ZNF775: variants seen among roughly 807,000 people sequenced by gnomAD.
ZNF775 encodes the protein zinc finger protein 775.
In ZNF775, 1 loss-of-function variant was observed where a neutral mutation model predicts 2.4. The observed-to-expected ratio is 0.41, with a 90% confidence interval of 0.15 to 1.94. ZNF775 has a LOEUF of 1.94. ZNF775 is among the 30% of genes most tolerant of loss of function. The pLI, the probability that ZNF775 is intolerant of heterozygous loss-of-function variation, is 0.30. For missense variants in ZNF775, 823 were observed against 826.6 expected, an observed-to-expected ratio of 1.00 and a Z score of 0.05; for synonymous variants, 381 against 373.3, an observed-to-expected ratio of 1.02 and a Z score of -0.24.
At chr7:150,389,580 T>C (rs1306367329) in intron 2 of ZNF775, among the ~76,000 whole-genome samples, 2 of 152,184 alleles carry the variant, frequency 1.3e-5, no homozygotes, top group Admixed American at 1.3e-4. Context: ...AGAAGGCCCT[T>C]TCCCCAGATA....
Position 150,397,485 on chromosome 7 carries a change from G to A in ZNF775, c.1004G>A (p.Arg335His). The part of the protein sequence containing the change: ...TRHLRNHTGE[R>H]PHPCPHCGRG... ...CACCTGCGCAACCACACAGGCGAGC[G>A]CCCGCACCCCTGCCCGCACTGTGGC... Residue 335 changes from arginine (R) to histidine (H), a missense_variant, in exon 3 of 3, where the codon CGC becomes CAC. Coordinates refer to ENST00000329630, the MANE Select transcript of ZNF775 (RefSeq NM_173680.4). The A allele has an allele frequency of 4.4e-6, 7 of 1,587,496 alleles. No individual in the cohort carries two copies. Among genetic ancestry groups the A allele is most frequent in the African/African-American group, 1.3e-5 (1 of 74,250 alleles).
rs1465406368 is a variant in ZNF775, at chr7:150,398,141, G to C, written c.*46G>C. On this transcript the variant is annotated 3_prime_UTR_variant, in exon 3 of 3. Transcript: ENST00000329630. ...CCGTGGTGGTGCGGGGGATGTTTGC[G>C]GGGTGTGTGTGGGGAGTGGGGGTGG... 2 of 1,530,862 alleles carry C rather than the reference G, an allele frequency of 1.3e-6. No individual in the cohort carries two copies. The highest frequency in any genetic ancestry group is 1.7e-6 in the Non-Finnish European group (2 of 1,144,568). The allele number at this position is 1,530,862 out of a possible 1,614,324, so 94.8% of individuals were successfully genotyped here.
At chr7:150,385,190 C>T (rs927104866) in intron 1 of ZNF775, among the ~76,000 whole-genome samples, 5 of 152,240 alleles carry the variant, frequency 3.3e-5, no homozygotes, top group Admixed American at 1.3e-4. Context: ...CCCTTCCCCA[C>T]TGCTCGCCTT....
At chr7:150,389,896 TGTGTGTGTGTGTGTGTGTG>T (rs879430977) in intron 2 of ZNF775, among the ~76,000 whole-genome samples, 2,670 of 29,740 alleles carry the variant, frequency 0.09, 104 homozygotes, top group African/African-American at 0.16. Flanking sequence ...TGTGTGTGTG[TGTGTGTGTGTGTGTGTGTG>T]TGTGTTATGG....
At chr7:150,391,525 T>A (rs1387403706) in intron 2 of ZNF775, among the ~76,000 whole-genome samples, 1 of 151,988 alleles carries the variant, frequency 6.6e-6, no homozygotes, top group African/African-American at 2.4e-5. Context: ...AATAAATAAA[T>A]AAAAATTAGT....
chr7:150,383,236 A>G (rs1264324630), intron 1 of ZNF775, among the ~76,000 whole-genome samples: 1 of 152,204 alleles, frequency 6.6e-6, no homozygotes, highest in Non-Finnish European at 1.5e-5. Flanking sequence ...ATTAACTGAA[A>G]TCAGAGGCAG....
chr7:150,395,547 T>C (rs1196367974), intron 2 of ZNF775, among the ~76,000 whole-genome samples: 2 of 152,256 alleles, frequency 1.3e-5, no homozygotes. Flanking sequence ...CCATGCTGCC[T>C]TCCACCCACA....
In ZNF775 at chr7:150,397,741, A is replaced by C; in HGVS notation, c.1260A>C (p.Gln420His). Residue 420 changes from glutamine to histidine, a missense_variant, in exon 3 of 3, where the codon CAA (glutamine) becomes CAC (histidine). Gln to His is a conservative substitution (Grantham distance 24). Coordinates refer to ENST00000329630, the MANE Select transcript of ZNF775 (RefSeq NM_173680.4). ...PGLAARPRSS[Q>H]RSPGARDTLW... is the part of the protein sequence containing the mutation. ...TGGCCGCGAGGCCGCGGAGCTCCCA[A>C]CGGTCCCCGGGGGCCCGGGACACGC... 4 of 1,465,244 alleles carry C rather than the reference A, an allele frequency of 2.7e-6. No homozygotes were observed. Among genetic ancestry groups the C allele is most frequent in the Non-Finnish European group, 3.6e-6 (4 of 1,115,626 alleles). The allele number at this position is 1,465,244 out of a possible 1,614,324, so 90.8% of individuals were successfully genotyped here. A position where few individuals can be genotyped will look rare whatever the true frequency, so the allele number is the denominator to read the frequency against.
At position 150,382,156 on chromosome 7, in the gene ZNF775, C is replaced by T. The variant is rs1408729525; in HGVS notation, c.-50+2764C>T. Among the ~76,000 whole-genome samples, 6 of 152,140 alleles carry T rather than the reference C, an allele frequency of 3.9e-5. 1 individual carries two copies. Among genetic ancestry groups the T allele is most frequent in the Admixed American group, 3.9e-4 (6 of 15,278 alleles). ...GCCGTGGCAAACCCTCTTCCTCCTG[C>T]ATGGTGGAGCGTGGAGGCTCCTGTG... is the stretch of plus-strand genomic sequence containing the variant. On this transcript the variant is annotated intron_variant, in intron 1 of 2. Transcript: ENST00000329630. This position sits in a 1 kb window ranked among gnomAD's most constrained non-coding sequence, Gnocchi z 4.6.
intron 2 of ZNF775, among the ~76,000 whole-genome samples, chr7:150,395,071 A>G (rs1001864169): frequency 2.0e-5 from 3 of 152,348 alleles, no homozygotes; most frequent in African/African-American, 7.2e-5. Flanking sequence ...ATATAGTTAC[A>G]GAGCCTGTTA....
intron 2 of ZNF775, among the ~76,000 whole-genome samples, chr7:150,395,733 G>A (rs2116474821): frequency 6.6e-6 from 1 of 152,344 alleles, no homozygotes; most frequent in Admixed American, 6.5e-5. Flanking sequence ...CTGTAGACTT[G>A]TGCACGGCCC....
rs960032939 is a variant in ZNF775 at position 150,396,802 on chromosome 7, T to G, written c.321T>G (p.Phe107Leu). Residue 107 changes from phenylalanine (F) to leucine (L), a missense_variant, in exon 3 of 3, where the codon TTT becomes TTG. Transcript: ENST00000329630. ...SPSLSSGEGHFVCLDCGKRFS... is the reference protein window; with the variant it reads ...SPSLSSGEGHLVCLDCGKRFS... ...CGCTTTCCTCCGGCGAGGGTCACTT[T>G]GTATGCCTGGACTGCGGGAAGAGGT... 4.4e-6 allele frequency: 7 copies of G among 1,600,200 alleles called. No homozygotes were observed. Among genetic ancestry groups the G allele is most frequent in the Non-Finnish European group, 1.7e-6 (2 of 1,175,868 alleles).
chr7:150,389,859 TTGTGTGTGTGTGTGTGTGTG>T lies in ZNF775; in HGVS notation c.31+1400_31+1419del, dbSNP rs71196708. 1.3e-3 allele frequency among the ~76,000 whole-genome samples: 182 copies of T among 138,874 alleles called. 3 individuals are homozygous for T. The highest frequency in any genetic ancestry group is 3.7e-3 in the East Asian group (17 of 4,596). 91.1% of individuals were successfully genotyped at this position (138,874 alleles called of 152,430 possible). A position where few individuals can be genotyped will look rare whatever the true frequency, so the allele number is the denominator to read the frequency against. ...CTTTTAAGCAACTTTTAATTTTTAT[TTGTGTGTGTGTGTGTGTGTG>T]TGTGTGTGTGTGTGTGTGTGTGTGT... On this transcript the variant is annotated intron_variant, in intron 2 of 2. Transcript: ENST00000329630.
chr7:150,388,188 G>A (rs1379445484), intron 1 of ZNF775, among the ~76,000 whole-genome samples: 1 of 152,204 alleles, frequency 6.6e-6, no homozygotes, highest in South Asian at 2.1e-4. Context: ...GGGCACATCA[G>A]GGGTCCTTCG....
chr7:150,391,743 CT>C (rs1800563954), intron 2 of ZNF775, among the ~76,000 whole-genome samples: 1 of 30,746 alleles, frequency 3.3e-5, no homozygotes, highest in African/African-American at 1.2e-4. Flanking sequence ...AGAGTTTTTG[CT>C]TTTTTTGCCC....
Position 150,398,224 on chromosome 7 carries a change from C to T in ZNF775, c.*129C>T. ...CGGGACCGGTGGATTCCTTAAGGCT[C>T]TGAAGGGCTGAGAACAGTTCTAGAA... On this transcript the variant is annotated 3_prime_UTR_variant, in exon 3 of 3. Coordinates refer to ENST00000329630, the MANE Select transcript of ZNF775 (RefSeq NM_173680.4). 1.4e-6 allele frequency: 2 copies of T among 1,388,990 alleles called. No homozygotes were observed. The highest frequency in any genetic ancestry group is 1.9e-6 in the Non-Finnish European group (2 of 1,048,428). 86.0% of individuals were successfully genotyped at this position (1,388,990 alleles called of 1,614,324 possible). A position where few individuals can be genotyped will look rare whatever the true frequency, so the allele number is the denominator to read the frequency against.
chr7:150,393,153 C>A (rs1033941874), intron 2 of ZNF775, among the ~76,000 whole-genome samples: 2 of 152,108 alleles, frequency 1.3e-5, no homozygotes, highest in Middle Eastern at 3.2e-3. Context: ...TCCCTACCCC[C>A]CAACCCCTGG....
At chr7:150,392,959 T>C (rs575478221) in intron 2 of ZNF775, among the ~76,000 whole-genome samples, 2 of 152,250 alleles carry the variant, frequency 1.3e-5, no homozygotes, top group South Asian at 2.1e-4. Context: ...ACATTTGTTA[T>C]AACTGATGAA....
intron 2 of ZNF775, among the ~76,000 whole-genome samples, chr7:150,394,767 G>A (rs912076713): frequency 6.6e-6 from 1 of 151,418 alleles, no homozygotes; most frequent in Admixed American, 6.6e-5. Flanking sequence ...TCTATTGGGA[G>A]TTTTTTCACT....
Sources: allele counts gnomAD v4.1 joint callset (sites outside exome capture counted in the v4.1 genomes callset), GRCh38; gene constraint gnomAD v4.1.1; non-coding constraint Gnocchi (gnomAD v3.1); transcripts MANE v1.5; gene names NCBI Gene and HGNC (gene_info 2026-07-23, HGNC 2026-07-21).